Variants in RERE observed in about 807,000 individuals in gnomAD.
RERE encodes arginine-glutamic acid dipeptide repeats.
Under a neutral mutation model 146.1 loss-of-function variants are expected in RERE, and 40 were observed. That is an observed-to-expected ratio of 0.27 (90% CI 0.21 to 0.36). The LOEUF (loss-of-function observed/expected upper bound fraction) is 0.36, where lower values mean the gene tolerates loss of function less well. RERE is among the 10% of genes least tolerant of loss of function. RERE has a pLI of 1.00. For missense variants in RERE, 1,933 were observed against 2,138.7 expected (o/e 0.90, Z 1.90); for synonymous variants, 1,003 against 866.0 (o/e 1.16, Z -2.78).
chr1:8,386,111 G>T (rs1436173735), intron 12 of RERE, among the ~76,000 whole-genome samples: 4 of 129,818 alleles, frequency 3.1e-5, no homozygotes, highest in Non-Finnish European at 4.7e-5. Flanking sequence ...CCATGTAGGT[G>T]AAGACAAAAA....
At chr1:8,373,965 C>A (rs1296342645) in intron 12 of RERE, among the ~76,000 whole-genome samples, 2 of 152,228 alleles carry the variant, frequency 1.3e-5, no homozygotes, top group Non-Finnish European at 2.9e-5. Flanking sequence ...ATCCTCTAAT[C>A]CCTAAAGGAG....
chr1:8,557,225 C>T (rs1231929344), intron 5 of RERE, among the ~76,000 whole-genome samples, 193 bp downstream of exon 5: 1 of 152,174 alleles, frequency 6.6e-6, no homozygotes, highest in Non-Finnish European at 1.5e-5. Context: ...TCAGTTTCCT[C>T]ATCTGGAACT....
At chr1:8,791,289 C>T (rs1212297249) in intron 1 of RERE, among the ~76,000 whole-genome samples, 3 of 152,202 alleles carry the variant, frequency 2.0e-5, no homozygotes, top group Admixed American at 2.0e-4. Flanking sequence ...TAATGACTCT[C>T]TACATTGTTG....
At chr1:8,709,668 C>G (rs1408291430) in intron 1 of RERE, among the ~76,000 whole-genome samples, 1 of 152,184 alleles carries the variant, frequency 6.6e-6, no homozygotes. Context: ...ACATCCCATT[C>G]TTGTTTATTA....
At chr1:8,478,297 G>A (rs985186848) in intron 10 of RERE, among the ~76,000 whole-genome samples, 1 of 152,170 alleles carries the variant, frequency 6.6e-6, no homozygotes, top group African/African-American at 2.4e-5. Flanking sequence ...ATCGAGTAAA[G>A]GTGGACTTGA....
intron 1 of RERE, among the ~76,000 whole-genome samples, chr1:8,657,986 A>T (rs1160635455): frequency 2.6e-5 from 4 of 152,230 alleles, no homozygotes; most frequent in African/African-American, 7.2e-5. Context: ...AGTACTCCCC[A>T]AAAAGAAACC....
At chr1:8,377,639 T>C (rs909154762) in intron 12 of RERE, among the ~76,000 whole-genome samples, 1 of 152,130 alleles carries the variant, frequency 6.6e-6, no homozygotes, top group Non-Finnish European at 1.5e-5. Flanking sequence ...CCATTCTCTA[T>C]CTCGTAAACA....
chr1:8,606,274 C>T (rs1335196253), intron 4 of RERE, among the ~76,000 whole-genome samples: 1 of 151,948 alleles, frequency 6.6e-6, no homozygotes, highest in East Asian at 1.9e-4. Flanking sequence ...TTTAAAAATT[C>T]TATCTACTTT....
chr1:8,816,720 A>C lies in RERE; in HGVS notation c.-145+440T>G, dbSNP rs546242376. On this transcript the variant is annotated intron_variant, in intron 1 of 22. Coordinates refer to ENST00000400908, the MANE Select transcript of RERE (RefSeq NM_001042681.2). Reference sequence around the variant, plus strand: ...AATCACATACAGCTGAGAACTAGAGATTGGGAGCACAAAGAGGAAATCTTC... The same window carrying C: ...AATCACATACAGCTGAGAACTAGAGCTTGGGAGCACAAAGAGGAAATCTTC... Among the ~76,000 whole-genome samples the C allele has an allele frequency of 1.2e-4, 19 of 152,156 alleles. 1 individual carries two copies. Among genetic ancestry groups the C allele is most frequent in the South Asian group, 1.2e-3 (6 of 4,824 alleles).
chr1:8,492,725 C>A (rs1557656461), intron 10 of RERE, among the ~76,000 whole-genome samples: 1 of 152,044 alleles, frequency 6.6e-6, no homozygotes. Context: ...TACAGTGGGA[C>A]CTCATCTTGA....
At chr1:8,734,835 A>T (rs1640160364) in intron 1 of RERE, among the ~76,000 whole-genome samples, 1 of 152,134 alleles carries the variant, frequency 6.6e-6, no homozygotes, top group Non-Finnish European at 1.5e-5. Flanking sequence ...TAGAAAAGGG[A>T]CTTTCTCTGT....
intron 4 of RERE, among the ~76,000 whole-genome samples, chr1:8,608,222 C>T (rs985530119): frequency 6.6e-6 from 1 of 152,154 alleles, no homozygotes; most frequent in Non-Finnish European, 1.5e-5. Context: ...TAGTACGGAA[C>T]AAGGGCTGTG....
At chr1:8,371,239 G>T (rs550102410) in intron 12 of RERE, among the ~76,000 whole-genome samples, 1 of 152,058 alleles carries the variant, frequency 6.6e-6, no homozygotes, top group Non-Finnish European at 1.5e-5. Context: ...GCGGTGGGGG[G>T]GCTAAATTTT....
intron 1 of RERE, among the ~76,000 whole-genome samples, chr1:8,802,999 C>T (rs1227313172): frequency 2.6e-5 from 4 of 152,190 alleles, no homozygotes; most frequent in South Asian, 4.1e-4. Context: ...AGTCCTTGGA[C>T]ACTGCAACTT....
At chr1:8,711,199 A>C (rs1462986042) in intron 1 of RERE, among the ~76,000 whole-genome samples, 2 of 151,004 alleles carry the variant, frequency 1.3e-5, no homozygotes, top group Non-Finnish European at 2.9e-5. Context: ...GGAGTGATAA[A>C]CTGCTAATAA....
At chr1:8,615,115 G>C (rs1224193889) in intron 3 of RERE, among the ~76,000 whole-genome samples, 1 of 152,206 alleles carries the variant, frequency 6.6e-6, no homozygotes, top group African/African-American at 2.4e-5. Context: ...ACAGAAGCTA[G>C]AGACATAAGA....
At chr1:8,559,561 C>T (rs1335839661) in intron 4 of RERE, among the ~76,000 whole-genome samples, 1 of 151,740 alleles carries the variant, frequency 6.6e-6, no homozygotes, top group Non-Finnish European at 1.5e-5. Flanking sequence ...AGAGGACATA[C>T]CAGTATGTTA....
chr1:8,788,602 A>G (rs1472965343), intron 1 of RERE, among the ~76,000 whole-genome samples: 1 of 150,954 alleles, frequency 6.6e-6, no homozygotes, highest in East Asian at 1.9e-4. Context: ...TGACCTCATT[A>G]TCTACCTGCC....
chr1:8,710,530 G>C (rs534234622), intron 1 of RERE, among the ~76,000 whole-genome samples: 1 of 151,912 alleles, frequency 6.6e-6, no homozygotes, highest in Non-Finnish European at 1.5e-5. Flanking sequence ...TTGTTTGTTT[G>C]TTTTTTGAGA....
Sources: gnomAD v4.1 joint callset for allele counts (sites outside exome capture counted in the v4.1 genomes callset) on GRCh38, gnomAD v4.1.1 for gene constraint, MANE v1.5 for transcripts, NCBI Gene and HGNC (gene_info 2026-07-23, HGNC 2026-07-21) for gene names.